The following IL5RA variants were observed in gnomAD, a reference collection of about 807,000 sequenced individuals.
The protein encoded by IL5RA is interleukin 5 receptor subunit alpha.
In IL5RA, 49 loss-of-function variants were observed where a neutral mutation model predicts 50.0. That is an observed-to-expected ratio of 0.98 (90% CI 0.78 to 1.24). The LOEUF (loss-of-function observed/expected upper bound fraction) is 1.24, where lower values mean the gene tolerates loss of function less well. Among genes scored for constraint, IL5RA ranks in the 50% most tolerant of loss-of-function variants. IL5RA has a pLI of 0.00. For missense variants in IL5RA, 600 were observed against 500.4 expected (o/e 1.20, Z -1.90); for synonymous variants, 202 against 174.0 (o/e 1.16, Z -1.26).
rs1200250050 is a variant in IL5RA, at chr3:3,066,849, C to G, written c.*3376G>C. ...CCCTCCAGTCTCCCCAGCACTCCCC[C>G]ATGCTGCACGCAGTGAATTCCAAAT... On this transcript the variant is annotated 3_prime_UTR_variant, in exon 12 of 12. Transcript: ENST00000446632. 1 of 152,292 alleles carries G rather than the reference C, an allele frequency of 6.6e-6. No homozygotes were observed. The highest frequency in any genetic ancestry group is 1.5e-5 in the Non-Finnish European group (1 of 68,118). 9.4% of individuals were successfully genotyped at this position (152,292 alleles called of 1,614,324 possible).
intron 10 of IL5RA, 132 bp from the exon 11 acceptor site, chr3:3,074,998 A>C: frequency 3.2e-6 from 2 of 633,720 alleles, no homozygotes; most frequent in South Asian, 3.9e-5. Context: ...ACGTACCAAG[A>C]CTTCCAAAAT....
chr3:3,075,751 C>T (rs949659140), intron 10 of IL5RA, among the ~76,000 whole-genome samples: 20 of 151,984 alleles, frequency 1.3e-4, no homozygotes, highest in African/African-American at 4.8e-4. Context: ...CAGGCACGTA[C>T]CACCACGCCC....
chr3:3,074,464 C>T (rs193116615), intron 11 of IL5RA, among the ~76,000 whole-genome samples: 32 of 152,212 alleles, frequency 2.1e-4, no homozygotes, highest in South Asian at 4.2e-4. Flanking sequence ...GAGTAATGAA[C>T]GTGCATAATA....
intron 9 of IL5RA, among the ~76,000 whole-genome samples, chr3:3,086,416 C>T (rs1400167844): frequency 6.6e-6 from 1 of 151,978 alleles, no homozygotes; most frequent in African/African-American, 2.4e-5. Flanking sequence ...ACAGAAGAAT[C>T]CGGAAGTTAA....
intron 5 of IL5RA, 142 bp from the exon 6 acceptor site, chr3:3,098,432 G>A (rs990587112): frequency 2.8e-6 from 2 of 720,086 alleles, no homozygotes; most frequent in Non-Finnish European, 4.6e-6. Flanking sequence ...CCTTGAGACA[G>A]AGCCTCACTC....
rs1488447554 is a variant in IL5RA, at chr3:3,092,128, C to T, written c.994+96G>A. The T allele has an allele frequency of 6.6e-7, 1 of 1,517,262 alleles. No individual in the cohort carries two copies. Among genetic ancestry groups the T allele is most frequent in the East Asian group, 2.3e-5 (1 of 43,972 alleles). The allele number at this position is 1,517,262 out of a possible 1,614,324, so 94.0% of individuals were successfully genotyped here. ...ATTAGTCACAATAGAGATATGAAAC[C>T]ATTTTAAGACCCACGAGTGAACGGG... On this transcript the variant is annotated intron_variant, in intron 9 of 11. Coordinates refer to ENST00000446632, the MANE Select transcript of IL5RA (RefSeq NM_175726.4). The surrounding 1 kb of genome is among the most constrained non-coding windows in gnomAD (Gnocchi z 4.2).
intron 7 of IL5RA, among the ~76,000 whole-genome samples, chr3:3,096,949 A>G (rs994882228): frequency 1.3e-5 from 2 of 152,200 alleles, no homozygotes; most frequent in African/African-American, 4.8e-5. Flanking sequence ...ATTCCTCTCC[A>G]TTGTTTCAGA....
chr3:3,083,113 T>C (rs2125961438), intron 9 of IL5RA, among the ~76,000 whole-genome samples: 1 of 152,274 alleles, frequency 6.6e-6, no homozygotes, highest in South Asian at 2.1e-4. Context: ...TTCCTGTGAC[T>C]TGCCTCCAGT....
intron 9 of IL5RA, among the ~76,000 whole-genome samples, chr3:3,089,682 A>G (rs1434925922): frequency 1.3e-5 from 2 of 151,472 alleles, no homozygotes; most frequent in African/African-American, 4.9e-5. Flanking sequence ...AGGCTGGAGT[A>G]CAGTGGCGCA....
chr3:3,088,061 A>G (rs1702941197), intron 9 of IL5RA, among the ~76,000 whole-genome samples: 1 of 152,200 alleles, frequency 6.6e-6, no homozygotes, highest in South Asian at 2.1e-4. Flanking sequence ...GCTATAGATA[A>G]TGGCAACGAG....
At chr3:3,072,077 A>G (rs997878403) in intron 11 of IL5RA, among the ~76,000 whole-genome samples, 1 of 152,154 alleles carries the variant, frequency 6.6e-6, no homozygotes, top group Admixed American at 6.5e-5. Flanking sequence ...TGCCCATAGC[A>G]CCAATGTGCC....
rs2125977128 is a variant in IL5RA, at chr3:3,095,518, C to T, written c.710-74G>A. On this transcript the variant is annotated intron_variant, in intron 7 of 11. Transcript: ENST00000446632. ...TCAAAGCTGATAATTCCAATCCACC[C>T]ACACTTCTCAAGGCATTTCTAAGAT... 2.5e-6 allele frequency: 3 copies of T among 1,204,482 alleles called. No individual in the cohort carries two copies. The East Asian group carries it at 7.0e-5, about 28-fold the overall frequency. The allele number at this position is 1,204,482 out of a possible 1,614,324, so 74.6% of individuals were successfully genotyped here.
chr3:3,081,947 G>T (rs1702679041), intron 9 of IL5RA, among the ~76,000 whole-genome samples: 1 of 152,110 alleles, frequency 6.6e-6, no homozygotes, highest in African/African-American at 2.4e-5. Flanking sequence ...ACACAACCAA[G>T]GTCGGCTTTT....
chr3:3,109,149 T>A (rs997978159), intron 1 of IL5RA, among the ~76,000 whole-genome samples: 1 of 152,204 alleles, frequency 6.6e-6, no homozygotes, highest in Non-Finnish European at 1.5e-5. Context: ...TTTCCCCCTT[T>A]TTTTTGGTTC....
intron 5 of IL5RA, among the ~76,000 whole-genome samples, chr3:3,099,565 G>T (rs570752338): frequency 6.6e-6 from 1 of 152,000 alleles, no homozygotes. Context: ...GGAGGTCGAG[G>T]CTGCAATGAA....
chr3:3,070,870 C>G (rs1702275473), intron 11 of IL5RA, among the ~76,000 whole-genome samples: 1 of 152,046 alleles, frequency 6.6e-6, no homozygotes, highest in African/African-American at 2.4e-5. Context: ...CATGAGCCAC[C>G]ACGCCCGGCC....
intron 9 of IL5RA, chr3:3,091,835 T>C (rs1044155430): frequency 8.8e-5 from 21 of 237,416 alleles, no homozygotes; most frequent in Non-Finnish European, 1.1e-4. Flanking sequence ...TATTGTACTA[T>C]AGTTTTGTAA....
At chr3:3,070,831 T>A (rs1004504470) in intron 11 of IL5RA, among the ~76,000 whole-genome samples, 1 of 152,068 alleles carries the variant, frequency 6.6e-6, no homozygotes, top group African/African-American at 2.4e-5. Flanking sequence ...TCCCCCCGCC[T>A]CGGCCTCCCA....
chr3:3,082,311 A>C (rs1414509096), intron 9 of IL5RA, among the ~76,000 whole-genome samples: 1 of 152,178 alleles, frequency 6.6e-6, no homozygotes, highest in African/African-American at 2.4e-5. Flanking sequence ...CTCTGCTCTG[A>C]CTCAAGGAGA....
Sources: gnomAD v4.1 joint callset for allele counts (sites outside exome capture counted in the v4.1 genomes callset) on GRCh38, gnomAD v4.1.1 for gene constraint, Gnocchi (gnomAD v3.1) non-coding constraint, MANE v1.5 for transcripts, NCBI Gene and HGNC (gene_info 2026-07-23, HGNC 2026-07-21) for gene names.